The following GRIA1 variants were observed in gnomAD, a reference collection of about 807,000 sequenced individuals.
GRIA1 encodes the protein glutamate ionotropic receptor AMPA type subunit 1.
GRIA1 carries 31 observed loss-of-function variants against 99.2 expected under a neutral mutation model. That is an observed-to-expected ratio of 0.31 (90% CI 0.23 to 0.42). GRIA1 has a LOEUF of 0.42. Ranked by LOEUF, GRIA1 falls within the 10% of genes least tolerant of loss-of-function variation. The pLI is 1.00. For missense variants in GRIA1, 782 were observed against 1,157.5 expected (o/e 0.68, Z 4.71); for synonymous variants, 438 against 432.4 (o/e 1.01, Z -0.16).
intron 2 of GRIA1, among the ~76,000 whole-genome samples, chr5:153,596,648 G>A (rs1764457756): frequency 6.6e-6 from 1 of 152,134 alleles, no homozygotes; most frequent in Admixed American, 6.6e-5. Flanking sequence ...TGGAAAAGCT[G>A]GGTGGAGGAG....
intron 2 of GRIA1, among the ~76,000 whole-genome samples, chr5:153,516,002 T>C (rs1284746387): frequency 1.3e-5 from 2 of 152,082 alleles, no homozygotes; most frequent in Admixed American, 1.3e-4. Context: ...GGGCGGATCA[T>C]GAGGTCAGGA....
At chr5:153,765,347 C>A (rs1056353043) in intron 12 of GRIA1, among the ~76,000 whole-genome samples, 4 of 152,062 alleles carry the variant, frequency 2.6e-5, no homozygotes, top group African/African-American at 9.7e-5. Context: ...CAGAGCTTAA[C>A]AAGACTAAAA....
intron 8 of GRIA1, among the ~76,000 whole-genome samples, chr5:153,695,147 G>C (rs1479175001): frequency 6.6e-6 from 1 of 152,058 alleles, no homozygotes; most frequent in East Asian, 1.9e-4. Flanking sequence ...CTATTGTTTT[G>C]TTAGATCATT....
intron 5 of GRIA1, among the ~76,000 whole-genome samples, chr5:153,665,513 G>A (rs925916615): frequency 6.6e-6 from 1 of 152,184 alleles, no homozygotes; most frequent in Non-Finnish European, 1.5e-5. Context: ...TAAAGGTTTG[G>A]TTGGTTAAAG....
chr5:153,807,345 G>A (rs982292896), intron 15 of GRIA1, among the ~76,000 whole-genome samples: 2 of 152,180 alleles, frequency 1.3e-5, no homozygotes, highest in Non-Finnish European at 2.9e-5. Context: ...GGGGAAGACA[G>A]AACATAAGCA....
chr5:153,541,763 C>G (rs1016183089), intron 2 of GRIA1, among the ~76,000 whole-genome samples: 2 of 151,890 alleles, frequency 1.3e-5, no homozygotes, highest in Admixed American at 6.6e-5. Context: ...AACCCCATCT[C>G]TACTAAAAAT....
intron 13 of GRIA1, among the ~76,000 whole-genome samples, chr5:153,776,883 A>G (rs1186403523): frequency 6.6e-6 from 1 of 152,184 alleles, no homozygotes; most frequent in African/African-American, 2.4e-5. Flanking sequence ...TCTTCCATGA[A>G]GTCCAGTAGG....
chr5:153,571,327 C>G (rs753936087), intron 2 of GRIA1, among the ~76,000 whole-genome samples: 1 of 152,084 alleles, frequency 6.6e-6, no homozygotes, highest in East Asian at 1.9e-4. Flanking sequence ...GGCAGGCAGA[C>G]AGGAGTGGGG....
intron 2 of GRIA1, among the ~76,000 whole-genome samples, chr5:153,645,348 C>T (rs1030279513): frequency 3.3e-5 from 5 of 152,146 alleles, no homozygotes; most frequent in African/African-American, 1.2e-4. Flanking sequence ...AGATTATGAC[C>T]TTTAAAGCCC....
chr5:153,556,032 T>A (rs1307554807), intron 2 of GRIA1, among the ~76,000 whole-genome samples: 1 of 152,238 alleles, frequency 6.6e-6, no homozygotes, highest in East Asian at 1.9e-4. Flanking sequence ...TGAACCATCA[T>A]GCCAAACTTG....
At chr5:153,678,267 T>A (rs1756733001) in intron 7 of GRIA1, among the ~76,000 whole-genome samples, 1 of 152,174 alleles carries the variant, frequency 6.6e-6, no homozygotes. Context: ...CAACCACACG[T>A]GCACAGCTCT....
intron 13 of GRIA1, among the ~76,000 whole-genome samples, chr5:153,773,847 C>G (rs1009435310): frequency 1.3e-5 from 2 of 152,140 alleles, no homozygotes; most frequent in African/African-American, 4.8e-5. Context: ...ATGGGGCCAT[C>G]ATAATTCCTG....
intron 2 of GRIA1, among the ~76,000 whole-genome samples, chr5:153,530,001 A>G (rs2113424336): frequency 6.6e-6 from 1 of 152,236 alleles, no homozygotes; most frequent in South Asian, 2.1e-4. Context: ...GATATTCTGA[A>G]GCTCAAGTGC....
intron 2 of GRIA1, among the ~76,000 whole-genome samples, chr5:153,544,308 T>C (rs761002257): frequency 1.1e-4 from 16 of 152,094 alleles, no homozygotes; most frequent in Non-Finnish European, 1.6e-4. Flanking sequence ...GAAAGCATGG[T>C]TCCTCTGGCA....
intron 2 of GRIA1, among the ~76,000 whole-genome samples, chr5:153,535,003 C>A (rs1157586745): frequency 6.6e-6 from 1 of 152,098 alleles, no homozygotes; most frequent in Admixed American, 6.6e-5. Context: ...TTCATTATAA[C>A]TTTTACCTCC....
At chr5:153,528,112 T>C (rs1757772139) in intron 2 of GRIA1, among the ~76,000 whole-genome samples, 5 of 152,142 alleles carry the variant, frequency 3.3e-5, no homozygotes, top group Admixed American at 3.3e-4. Flanking sequence ...ATGTTATTAT[T>C]GAATATTTTA....
chr5:153,507,924 A>T (rs1022037439), intron 2 of GRIA1, among the ~76,000 whole-genome samples: 13 of 152,268 alleles, frequency 8.5e-5, no homozygotes, highest in South Asian at 6.2e-4. Flanking sequence ...TCAGTCTTTC[A>T]CTGCTTTGGT....
chr5:153,789,682 T>C (rs953993101), intron 13 of GRIA1, among the ~76,000 whole-genome samples: 6 of 152,178 alleles, frequency 3.9e-5, no homozygotes, highest in Admixed American at 6.5e-5. Flanking sequence ...TGATCCTAGG[T>C]AAGTTAGAGC....
At chr5:153,502,661 A>G (rs1446565832) in intron 2 of GRIA1, among the ~76,000 whole-genome samples, 1 of 152,212 alleles carries the variant, frequency 6.6e-6, no homozygotes, top group African/African-American at 2.4e-5. Flanking sequence ...TCCAGAAAGC[A>G]CAGGGGAGCC....
Sources: allele counts gnomAD v4.1 joint callset (sites outside exome capture counted in the v4.1 genomes callset), GRCh38; gene constraint gnomAD v4.1.1; transcripts MANE v1.5; gene names NCBI Gene and HGNC (gene_info 2026-07-23, HGNC 2026-07-21).